The following TMTC2 variants were observed in gnomAD, a reference collection of about 807,000 sequenced individuals.
TMTC2 encodes protein O-mannosyl-transferase TMTC2.
TMTC2 carries 43 observed loss-of-function variants against 82.4 expected under a neutral mutation model. The observed-to-expected ratio is 0.52, with a 90% CI of 0.41 to 0.67. The LOEUF is 0.67. TMTC2 is among the 30% of genes least tolerant of loss of function. The pLI is 0.00. For missense variants in TMTC2, 919 were observed against 1,012.4 expected, an observed-to-expected ratio of 0.91 and a Z score of 1.25; for synonymous variants, 408 against 381.9, an observed-to-expected ratio of 1.07 and a Z score of -0.80.
At chr12:82,894,486 A>G (rs1042262406) in intron 2 of TMTC2, among the ~76,000 whole-genome samples, 5 of 152,176 alleles carry the variant, frequency 3.3e-5, no homozygotes, top group Admixed American at 2.6e-4. Flanking sequence ...TTAAAATTAA[A>G]TATTTGGTGT....
At chr12:82,778,736 C>G (rs1877727675) in intron 1 of TMTC2, among the ~76,000 whole-genome samples, 1 of 148,708 alleles carries the variant, frequency 6.7e-6, no homozygotes, top group East Asian at 2.0e-4. Context: ...GTAGTCCCAG[C>G]TACTTGGGAG....
At chr12:82,758,190 T>C (rs566525429) in intron 1 of TMTC2, among the ~76,000 whole-genome samples, 1 of 152,300 alleles carries the variant, frequency 6.6e-6, no homozygotes, top group South Asian at 2.1e-4. Context: ...TCTGTGTTTA[T>C]TCTCCAGTTT....
At chr12:82,730,200 C>T (rs1245686787) in intron 1 of TMTC2, among the ~76,000 whole-genome samples, 2 of 144,848 alleles carry the variant, frequency 1.4e-5, no homozygotes, top group South Asian at 2.2e-4. Context: ...GAGGCTGAGG[C>T]AGGAGAATCG....
At chr12:82,906,879 G>C (rs1337500207) in intron 3 of TMTC2, among the ~76,000 whole-genome samples, 1 of 152,086 alleles carries the variant, frequency 6.6e-6, no homozygotes, top group Non-Finnish European at 1.5e-5. Flanking sequence ...GGCTGATTGA[G>C]AGACAAATAG....
At chr12:82,954,129 A>G (rs988025967) in intron 4 of TMTC2, among the ~76,000 whole-genome samples, 1 of 152,132 alleles carries the variant, frequency 6.6e-6, no homozygotes, top group Non-Finnish European at 1.5e-5. Flanking sequence ...TGCTTCCTAC[A>G]TAGATTTTGT....
At chr12:82,935,586 G>T (rs911050217) in intron 4 of TMTC2, among the ~76,000 whole-genome samples, 10 of 152,110 alleles carry the variant, frequency 6.6e-5, no homozygotes, top group African/African-American at 2.4e-4. Flanking sequence ...AAATGTAATT[G>T]ATTTTTAGAC....
intron 11 of TMTC2, among the ~76,000 whole-genome samples, chr12:83,084,764 C>G (rs903665093): frequency 6.6e-6 from 1 of 152,180 alleles, no homozygotes; most frequent in Non-Finnish European, 1.5e-5. Flanking sequence ...GGCAAGGCAC[C>G]TACACTGAAG....
chr12:82,789,776 A>G (rs940905163), intron 1 of TMTC2, among the ~76,000 whole-genome samples: 2 of 152,174 alleles, frequency 1.3e-5, no homozygotes, highest in Non-Finnish European at 2.9e-5. Context: ...ATAGGAATAC[A>G]TAGACTAAGA....
chr12:83,111,389 A>T (rs1020775254), intron 11 of TMTC2, among the ~76,000 whole-genome samples: 1 of 152,262 alleles, frequency 6.6e-6, no homozygotes, highest in Non-Finnish European at 1.5e-5. Context: ...AGAAGTAGTC[A>T]TAGACAGTAC....
chr12:82,895,113 G>A (rs940169841), intron 2 of TMTC2, among the ~76,000 whole-genome samples: 4 of 151,798 alleles, frequency 2.6e-5, no homozygotes, highest in African/African-American at 4.8e-5. Flanking sequence ...CACTGTGCCC[G>A]GCCTAAAGTA....
chr12:82,778,067 G>A (rs556631815), intron 1 of TMTC2, among the ~76,000 whole-genome samples: 4 of 151,882 alleles, frequency 2.6e-5, no homozygotes, highest in African/African-American at 7.2e-5. Flanking sequence ...ATTACTCTTC[G>A]CATTGTAAAA....
chr12:82,752,140 G>A (rs1165633421), intron 1 of TMTC2, among the ~76,000 whole-genome samples: 8 of 131,406 alleles, frequency 6.1e-5, no homozygotes, highest in Admixed American at 2.9e-4. Flanking sequence ...ATATTTATTG[G>A]AAGCTCCTTT....
intron 8 of TMTC2, chr12:83,022,095 C>G (rs1880957514): frequency 2.1e-5 from 2 of 93,268 alleles, no homozygotes; most frequent in South Asian, 9.7e-4. Flanking sequence ...TTTTCACTAC[C>G]AAAAAAAAAA....
intron 3 of TMTC2, among the ~76,000 whole-genome samples, chr12:82,901,965 G>A (rs1874043740): frequency 1.3e-5 from 2 of 151,980 alleles, no homozygotes; most frequent in African/African-American, 4.8e-5. Flanking sequence ...CGCCTCTCTG[G>A]GCTACTACCT....
intron 1 of TMTC2, chr12:82,760,100 G>A (rs1186520617): frequency 6.6e-6 from 1 of 152,152 alleles, no homozygotes; most frequent in African/African-American, 2.4e-5. Flanking sequence ...CTCGTCCAAA[G>A]TTGGGTCTCA....
At chr12:83,105,401 A>C (rs1884360025) in intron 11 of TMTC2, among the ~76,000 whole-genome samples, 1 of 152,170 alleles carries the variant, frequency 6.6e-6, no homozygotes, top group Non-Finnish European at 1.5e-5. Context: ...ATTCATAAGT[A>C]AGAGGTTTAA....
At chr12:82,842,712 G>A (rs1200104340) in intron 1 of TMTC2, among the ~76,000 whole-genome samples, 1 of 152,116 alleles carries the variant, frequency 6.6e-6, no homozygotes, top group Non-Finnish European at 1.5e-5. Context: ...GGTGTCAGCA[G>A]GTTTGGTTTC....
chr12:83,132,523 C>G lies in TMTC2; in HGVS notation c.*134C>G. ...GGGCAGAGGTCATTGAGGTCACTAC[C>G]GCTTCTGGAAGAATCCACTTTGCTG... On this transcript the variant is annotated 3_prime_UTR_variant, in exon 12 of 12. Transcript: ENST00000321196. The G allele has an allele frequency of 1.0e-6, 1 of 1,000,930 alleles. No homozygotes were observed. Among genetic ancestry groups the G allele is most frequent in the Non-Finnish European group, 1.4e-6 (1 of 698,552 alleles). The allele number at this position is 1,000,930 out of a possible 1,614,324, so 62.0% of individuals were successfully genotyped here.
intron 3 of TMTC2, among the ~76,000 whole-genome samples, chr12:82,902,076 G>T (rs1311678213): frequency 6.6e-6 from 1 of 152,116 alleles, no homozygotes; most frequent in East Asian, 1.9e-4. Flanking sequence ...CACGGCTCTG[G>T]GACAAGGCTG....
Sources: allele counts gnomAD v4.1 joint callset (sites outside exome capture counted in the v4.1 genomes callset), GRCh38; gene constraint gnomAD v4.1.1; transcripts MANE v1.5; gene names NCBI Gene and HGNC (gene_info 2026-07-23, HGNC 2026-07-21).